ANOS1: variants seen among roughly 807,000 people sequenced by gnomAD.
The protein encoded by ANOS1 is anosmin 1, also known as anosmin-1.
ANOS1 carries 6 observed loss-of-function variants against 59.0 expected under a neutral mutation model. The observed-to-expected ratio is 0.10, with a 90% CI of 0.06 to 0.20. ANOS1 has a LOEUF of 0.20. Among genes scored for constraint, ANOS1 ranks in the 10% least tolerant of loss-of-function variants. The probability of loss-of-function intolerance (pLI) is 1.00; values close to 1 mark genes in which losing one functional copy is unlikely to be tolerated. For missense variants in ANOS1, 433 were observed against 542.3 expected, an observed-to-expected ratio of 0.80 and a Z score of 2.00; for synonymous variants, 217 against 223.4, an observed-to-expected ratio of 0.97 and a Z score of 0.25.
intron 3 of ANOS1, among the ~76,000 whole-genome samples, chrX:8,617,766 G>A (rs1350698868): frequency 2.7e-5 from 3 of 109,908 alleles, no homozygotes; most frequent in African/African-American, 6.6e-5. Flanking sequence ...AGGTGACAGA[G>A]TCAGACTCTG....
At chrX:8,700,733 G>A (rs1423617564) in intron 1 of ANOS1, among the ~76,000 whole-genome samples, 1 of 112,351 alleles carries the variant, frequency 8.9e-6, no homozygotes, top group Non-Finnish European at 1.9e-5. Flanking sequence ...TTGGGGCCGG[G>A]CGTGGTGGCT....
At chrX:8,562,667 T>C (rs955332207) in intron 8 of ANOS1, among the ~76,000 whole-genome samples, 1 of 112,153 alleles carries the variant, frequency 8.9e-6, no homozygotes, top group South Asian at 3.7e-4. Context: ...ATAATTCCAG[T>C]TCCATGAGGC....
At chrX:8,635,509 T>C (rs764158885) in intron 2 of ANOS1, among the ~76,000 whole-genome samples, 101 of 111,424 alleles carry the variant, frequency 9.1e-4, no homozygotes, top group African/African-American at 3.1e-3. Context: ...GAAGCTTACA[T>C]CCTCACATGA....
At chrX:8,693,190 G>A (rs967345141) in intron 2 of ANOS1, among the ~76,000 whole-genome samples, 1 of 112,336 alleles carries the variant, frequency 8.9e-6, no homozygotes, top group African/African-American at 3.2e-5. Flanking sequence ...TGAGCTGGAG[G>A]CTGTCTTTGG....
At chrX:8,616,048 T>C (rs1341543023) in intron 3 of ANOS1, among the ~76,000 whole-genome samples, 1 of 111,030 alleles carries the variant, frequency 9.0e-6, no homozygotes, top group African/African-American at 3.3e-5. Context: ...TGATCACTTT[T>C]TTTTTTTACA....
intron 2 of ANOS1, among the ~76,000 whole-genome samples, chrX:8,655,299 G>A (rs1187923542): frequency 3.6e-5 from 4 of 111,399 alleles, no homozygotes; most frequent in African/African-American, 1.3e-4. Context: ...CTGCAACCTA[G>A]ATCCCTCACA....
At chrX:8,668,430 T>TATACAC (rs1394731479) in intron 2 of ANOS1, among the ~76,000 whole-genome samples, 82 of 80,226 alleles carry the variant, frequency 1.0e-3, no homozygotes, top group Admixed American at 2.1e-3. Flanking sequence ...TATATATATA[T>TATACAC]ACACACACAT....
chrX:8,613,414 T>C (rs936060577), intron 3 of ANOS1, among the ~76,000 whole-genome samples: 1 of 109,939 alleles, frequency 9.1e-6, no homozygotes, highest in African/African-American at 3.3e-5. Context: ...TTCGAGGAGA[T>C]GGGGTCTGAC....
intron 5 of ANOS1, among the ~76,000 whole-genome samples, chrX:8,586,954 G>GAAAA: frequency 1.1e-5 from 1 of 91,406 alleles, no homozygotes; most frequent in Non-Finnish European, 2.2e-5. Flanking sequence ...TACATTTACT[G>GAAAA]AAAAAAAAAA....
intron 9 of ANOS1, among the ~76,000 whole-genome samples, chrX:8,541,411 C>CA (rs1477061807): frequency 2.1e-4 from 9 of 42,853 alleles, no homozygotes; most frequent in African/African-American, 5.4e-4. Flanking sequence ...CTCCCACCAC[C>CA]CCCCCCCCAA....
chrX:8,594,751 C>T lies in ANOS1; in HGVS notation c.541+2283G>A, dbSNP rs745585714. 1.2e-3 allele frequency among the ~76,000 whole-genome samples: 50 copies of T among 41,507 alleles called. 1 individual carries two copies. Among genetic ancestry groups the T allele is most frequent in the African/African-American group, 3.9e-3 (35 of 9,056 alleles). 36.0% of individuals were successfully genotyped at this position (41,507 alleles called of 115,157 possible). ...ACATATATATGTGTATATATATATA[C>T]ATATATATATATATATTTTTTTTTT... On this transcript the variant is annotated intron_variant, in intron 4 of 13. Transcript: ENST00000262648.
At chrX:8,630,842 C>T (rs1176040588) in intron 2 of ANOS1, among the ~76,000 whole-genome samples, 2 of 112,893 alleles carry the variant, frequency 1.8e-5, no homozygotes, top group Admixed American at 9.4e-5. Flanking sequence ...GTCTTTACAA[C>T]GTCTTCCAAT....
chrX:8,592,358 T>C (rs1930636448), intron 4 of ANOS1, among the ~76,000 whole-genome samples: 1 of 112,266 alleles, frequency 8.9e-6, no homozygotes, highest in African/African-American at 3.2e-5. Context: ...CTATTTGATA[T>C]ATTAATTATT....
chrX:8,594,658 GTATATATATATA>G (rs767812487), intron 4 of ANOS1, among the ~76,000 whole-genome samples: 347 of 33,517 alleles, frequency 0.01, 6 homozygotes, highest in Middle Eastern at 0.027. Flanking sequence ...ATATATATGT[GTATATATATATA>G]TATATATATA....
At chrX:8,712,949 T>C (rs6530198) in intron 1 of ANOS1, among the ~76,000 whole-genome samples, 42,832 of 110,249 alleles carry the variant, frequency 0.39, 6,117 homozygotes, top group East Asian at 0.61. Context: ...CTTTGTTCCA[T>C]ACCTGGACCT....
intron 4 of ANOS1, 83 bp from the exon 5 acceptor site, chrX:8,588,061 G>T: frequency 2.3e-6 from 2 of 864,915 alleles, no homozygotes; most frequent in Non-Finnish European, 3.3e-6. Context: ...ATATGGAAGA[G>T]ATGAATCTGA....
At chrX:8,588,610 A>G (rs907136592) in intron 4 of ANOS1, among the ~76,000 whole-genome samples, 3 of 112,240 alleles carry the variant, frequency 2.7e-5, no homozygotes, top group African/African-American at 9.7e-5. Context: ...ATGGCTTAAC[A>G]TTGGAAAATA....
At chrX:8,661,351 G>T (rs1932035345) in intron 2 of ANOS1, among the ~76,000 whole-genome samples, 1 of 112,048 alleles carries the variant, frequency 8.9e-6, no homozygotes, top group African/African-American at 3.2e-5. Flanking sequence ...TCCTGGGCTT[G>T]TAGATGTTGT....
At chrX:8,586,012 T>C (rs1313558775) in intron 5 of ANOS1, among the ~76,000 whole-genome samples, 1 of 112,354 alleles carries the variant, frequency 8.9e-6, no homozygotes, top group African/African-American at 3.2e-5. Flanking sequence ...GGTTTTGCTG[T>C]CTCTAGTGCT....
Sources: gnomAD v4.1 joint callset for allele counts (sites outside exome capture counted in the v4.1 genomes callset) on GRCh38, gnomAD v4.1.1 for gene constraint, MANE v1.5 for transcripts, NCBI Gene and HGNC (gene_info 2026-07-23, HGNC 2026-07-21) for gene names.